The following RUBCN variants were observed in gnomAD, a reference collection of about 807,000 sequenced individuals.
RUBCN encodes run domain Beclin-1-interacting and cysteine-rich domain-containing protein.
In RUBCN, 74 loss-of-function variants were observed where a neutral mutation model predicts 113.2. The observed-to-expected ratio is 0.65, with a 90% CI of 0.54 to 0.79. The LOEUF (loss-of-function observed/expected upper bound fraction) is 0.79, where lower values mean the gene tolerates loss of function less well. Ranked by LOEUF, RUBCN falls within the 30% of genes least tolerant of loss-of-function variation. The pLI, the probability that RUBCN is intolerant of heterozygous loss-of-function variation, is 0.00. For synonymous variants in RUBCN, 480 were observed against 490.0 expected (o/e 0.98, Z 0.27); for missense variants, 1,109 against 1,251.7 (o/e 0.89, Z 1.72).
At chr3:197,739,252 A>T (rs183439347), upstream of RUBCN, among the ~76,000 whole-genome samples, 1 of 147,652 alleles carries the variant, frequency 6.8e-6, no homozygotes, top group Non-Finnish European at 1.5e-5. Flanking sequence ...TTAGCCGGGC[A>T]TGGTGGCAGA....
chr3:197,739,775 C>T (rs778791327), upstream of RUBCN, among the ~76,000 whole-genome samples: 1 of 152,166 alleles, frequency 6.6e-6, no homozygotes, highest in East Asian at 1.9e-4. Context: ...CGGTGGCTCA[C>T]GCCTGTAATC....
In RUBCN at chr3:197,681,805, G is replaced by A. The variant is rs374118523; in HGVS notation, c.2191+30C>T. ...TCGGGGAGGGTACAGAGCCTCTGGAGGCAGCATGGTGGGAAGGGAAGGCAC... is the reference window on the plus strand; with the variant it reads ...TCGGGGAGGGTACAGAGCCTCTGGAAGCAGCATGGTGGGAAGGGAAGGCAC... On this transcript the variant is annotated intron_variant, in intron 15 of 19. Coordinates refer to ENST00000296343, the MANE Select transcript of RUBCN (RefSeq NM_014687.4). The surrounding 1 kb of genome is among the most constrained non-coding windows in gnomAD (Gnocchi z 5.5). The A allele has an allele frequency of 6.9e-6, 11 of 1,600,128 alleles. No individual in the cohort carries two copies. The highest frequency in any genetic ancestry group is 1.7e-5 in the Admixed American group (1 of 59,980).
intron 1 of RUBCN, among the ~76,000 whole-genome samples, chr3:197,718,686 A>G (rs988085731): frequency 2.0e-5 from 3 of 152,070 alleles, no homozygotes; most frequent in African/African-American, 7.2e-5. Flanking sequence ...TGATCCTCCC[A>G]CCTCGGCCTC....
Position 197,736,798 on chromosome 3 carries a change from G to GGGCCGGAGGAGGCACCTGC in RUBCN, c.-98_-80dup. ...CCTTCAGGGCTCCCGGGGCCCCCTG[G>GGGCCGGAGGAGGCACCTGC]GGCCGGAGGAGGCACCTGCGGCCGG... On this transcript the variant is annotated 5_prime_UTR_variant, in exon 1 of 20. Transcript: ENST00000296343. 1 of 1,470,626 alleles carries GGGCCGGAGGAGGCACCTGC rather than the reference G, an allele frequency of 6.8e-7. No homozygotes were observed. Among genetic ancestry groups the GGGCCGGAGGAGGCACCTGC allele is most frequent in the Non-Finnish European group, 8.9e-7 (1 of 1,119,188 alleles). 91.1% of individuals were successfully genotyped at this position (1,470,626 alleles called of 1,614,324 possible). A position where few individuals can be genotyped will look rare whatever the true frequency, so the allele number is the denominator to read the frequency against.
At chr3:197,716,531 A>C (rs992881773) in intron 2 of RUBCN, among the ~76,000 whole-genome samples, 1 of 152,208 alleles carries the variant, frequency 6.6e-6, no homozygotes, top group African/African-American at 2.4e-5. Flanking sequence ...TCTGAAAAAA[A>C]CCAGCATGGT....
At chr3:197,716,302 A>G (rs887873431) in intron 2 of RUBCN, among the ~76,000 whole-genome samples, 10 of 152,080 alleles carry the variant, frequency 6.6e-5, no homozygotes, top group African/African-American at 2.2e-4. Context: ...TAATTTTTGT[A>G]ATTTTAGTAG....
chr3:197,699,585 T>A (rs977918060), intron 7 of RUBCN, among the ~76,000 whole-genome samples: 2 of 152,152 alleles, frequency 1.3e-5, no homozygotes, highest in Admixed American at 6.5e-5. Flanking sequence ...TCCAGCCCAG[T>A]CATCTTCACA....
chr3:197,716,275 G>A (rs748579306), intron 2 of RUBCN, among the ~76,000 whole-genome samples: 4 of 152,130 alleles, frequency 2.6e-5, no homozygotes, highest in Non-Finnish European at 4.4e-5. Flanking sequence ...TTACAGGTGC[G>A]CGCCACCACG....
In RUBCN at chr3:197,729,021, T is replaced by C. The variant is rs537108049; in HGVS notation, c.65+7634A>G. On this transcript the variant is annotated intron_variant, in intron 1 of 19. Coordinates refer to ENST00000296343, the MANE Select transcript of RUBCN (RefSeq NM_014687.4). ...GCTCACGCCTGTAATCCCAGCACTT[T>C]GGGAGGCCGAGGCGGGCGGATCACG... Among the ~76,000 whole-genome samples, 958 of 151,424 alleles carry C rather than the reference T, an allele frequency of 6.3e-3. 10 individuals carry two copies. The highest frequency in any genetic ancestry group is 9.3e-3 in the Non-Finnish European group (632 of 67,886).
intron 1 of RUBCN, among the ~76,000 whole-genome samples, chr3:197,718,355 G>A (rs1255563098): frequency 6.6e-6 from 1 of 152,126 alleles, no homozygotes; most frequent in Admixed American, 6.6e-5. Context: ...CATTCAAATG[G>A]TAGATTATGC....
intron 1 of RUBCN, among the ~76,000 whole-genome samples, chr3:197,730,867 T>C (rs1364337199): frequency 6.7e-6 from 1 of 150,064 alleles, no homozygotes; most frequent in Non-Finnish European, 1.5e-5. Flanking sequence ...ATCTTTTTTT[T>C]TCATATTTTA....
At chr3:197,678,250 C>A in intron 16 of RUBCN, among the ~76,000 whole-genome samples, 1 of 151,954 alleles carries the variant, frequency 6.6e-6, no homozygotes, top group East Asian at 1.9e-4. Context: ...TCAGACTGTC[C>A]CACACTCTGA....
At chr3:197,684,659 C>CAT (rs200295202) in intron 11 of RUBCN, among the ~76,000 whole-genome samples, 73 of 151,058 alleles carry the variant, frequency 4.8e-4, no homozygotes, top group Admixed American at 2.6e-3. Flanking sequence ...TATATATATA[C>CAT]ATATATATAT....
At chr3:197,682,281 C>T (rs962512643) in intron 14 of RUBCN, among the ~76,000 whole-genome samples, 189 bp downstream of exon 14, 4 of 152,160 alleles carry the variant, frequency 2.6e-5, no homozygotes, top group Non-Finnish European at 4.4e-5. Context: ...CGCCTCGTTT[C>T]CAATTAGCTC....
intron 2 of RUBCN, among the ~76,000 whole-genome samples, chr3:197,707,066 G>C (rs892235965): frequency 2.8e-5 from 4 of 143,660 alleles, no homozygotes; most frequent in African/African-American, 1.2e-4. Context: ...AATTGTGGCC[G>C]GGCGCGGTGG....
rs1408514915 is a variant in RUBCN at position 197,670,324 on chromosome 3, T to C, written c.*4694A>G. On this transcript the variant is annotated 3_prime_UTR_variant, in exon 20 of 20. Transcript: ENST00000296343. ...CTGTGATTCTTTGTACTCTCAGCTC[T>C]GGCATGGTGTCTGGAACACGGAGGC... is the stretch of plus-strand genomic sequence containing the variant. Among the ~76,000 whole-genome samples, 1 of 152,264 alleles carries C rather than the reference T, an allele frequency of 6.6e-6. No homozygotes were observed. The highest frequency in any genetic ancestry group is 1.5e-5 in the Non-Finnish European group (1 of 68,052).
At position 197,746,585 on chromosome 3, in the gene RUBCN, AACTT is replaced by A. The variant is rs576411478; in HGVS notation, c.-116+2680_-116+2683del. ...TAAATATATCCTAAATATTACATGA[AACTT>A]ACTGTAGTTAAAAAAAAATCACTGT... On this transcript the variant is annotated intron_variant, in intron 1 of 20. Transcript: ENST00000273582. Among the ~76,000 whole-genome samples, 602 of 152,326 alleles carry A rather than the reference AACTT, an allele frequency of 4.0e-3. 2 individuals are homozygous for A. The highest frequency in any genetic ancestry group is 7.1e-3 in the Non-Finnish European group (485 of 68,032).
chr3:197,713,372 C>T (rs551526191), intron 2 of RUBCN, among the ~76,000 whole-genome samples: 1 of 152,258 alleles, frequency 6.6e-6, no homozygotes, highest in East Asian at 1.9e-4. Flanking sequence ...GCTATTAGGA[C>T]ACAAGTACCT....
Position 197,689,951 on chromosome 3 carries a change from G to A in RUBCN, c.1786+3764C>T, listed in dbSNP as rs118178910. ...AACCCACTAACCAACCTCTCTTTAC[G>A]CCCCAACCCACCTCCTCCCCAGCCT... is the stretch of plus-strand genomic sequence containing the variant. On this transcript the variant is annotated intron_variant, in intron 11 of 19. Transcript: ENST00000296343. Among the ~76,000 whole-genome samples, 224 of 151,990 alleles carry A rather than the reference G, an allele frequency of 1.5e-3. 2 individuals are homozygous for A. The highest frequency in any genetic ancestry group is 6.2e-3 in the East Asian group (32 of 5,172).
Sources: allele counts gnomAD v4.1 joint callset (sites outside exome capture counted in the v4.1 genomes callset), GRCh38; gene constraint gnomAD v4.1.1; non-coding constraint Gnocchi (gnomAD v3.1); transcripts MANE v1.5; gene names NCBI Gene and HGNC (gene_info 2026-07-23, HGNC 2026-07-21).